SLC12A2: variants seen among roughly 807,000 people sequenced by gnomAD.
The protein encoded by SLC12A2 is Na-K-2Cl cotransporter 1.
SLC12A2 carries 67 observed loss-of-function variants against 136.3 expected under a neutral mutation model. The ratio of observed to expected loss-of-function variants is 0.49; its 90% CI spans 0.40 to 0.60. SLC12A2 has a LOEUF of 0.60. Ranked by LOEUF, SLC12A2 falls within the 20% of genes least tolerant of loss-of-function variation. The probability of loss-of-function intolerance (pLI) is 0.00; values close to 1 mark genes in which losing one functional copy is unlikely to be tolerated. For synonymous variants in SLC12A2, 619 were observed against 562.9 expected (o/e 1.10, Z -1.41); for missense variants, 1,322 against 1,534.7 (o/e 0.86, Z 2.32).
intron 1 of SLC12A2, among the ~76,000 whole-genome samples, chr5:128,095,777 AG>A (rs1211269962): frequency 6.6e-6 from 1 of 152,144 alleles, no homozygotes; most frequent in Admixed American, 6.5e-5. Context: ...GGAAGTCAAA[AG>A]ATTGGATACT....
At chr5:128,163,355 C>T (rs1462516713) in intron 17 of SLC12A2, among the ~76,000 whole-genome samples, 1 of 151,960 alleles carries the variant, frequency 6.6e-6, no homozygotes, top group African/African-American at 2.4e-5. Context: ...ATGGTGAAAC[C>T]CTGTCTCTAC....
chr5:128,099,619 TTGTACAAG>T (rs1760673198), intron 1 of SLC12A2, among the ~76,000 whole-genome samples: 1 of 152,218 alleles, frequency 6.6e-6, no homozygotes, highest in African/African-American at 2.4e-5. Context: ...CACAGACATA[TTGTACAAG>T]TGTACAAGAG....
intron 22 of SLC12A2, 148 bp from the exon 23 acceptor site, chr5:128,180,735 A>G (rs1374851897): frequency 3.4e-6 from 2 of 593,760 alleles, no homozygotes; most frequent in Non-Finnish European, 6.1e-6. Flanking sequence ...AGGTCTGCTA[A>G]TGGCTTTTTG....
intron 16 of SLC12A2, among the ~76,000 whole-genome samples, chr5:128,159,338 G>T (rs941976281): frequency 6.6e-6 from 1 of 152,086 alleles, no homozygotes; most frequent in Non-Finnish European, 1.5e-5. Flanking sequence ...CAGGACAAAG[G>T]CATGGGCACA....
chr5:128,100,630 A>G (rs1035572045), intron 1 of SLC12A2, among the ~76,000 whole-genome samples: 3 of 152,168 alleles, frequency 2.0e-5, no homozygotes, highest in African/African-American at 4.8e-5. Context: ...ATCCAGGTGT[A>G]TACTAAAATG....
intron 20 of SLC12A2, among the ~76,000 whole-genome samples, chr5:128,176,210 T>C (rs1763536707): frequency 6.6e-6 from 1 of 152,054 alleles, no homozygotes; most frequent in African/African-American, 2.4e-5. Context: ...GCATTAATAC[T>C]TGCATTAGTA....
At chr5:128,125,143 TAAAAC>T (rs930910879) in intron 4 of SLC12A2, among the ~76,000 whole-genome samples, 8 of 152,224 alleles carry the variant, frequency 5.3e-5, no homozygotes, top group African/African-American at 7.2e-5. Flanking sequence ...TTTTAACTCT[TAAAAC>T]AATAATAAGA....
chr5:128,148,728 T>C (rs1456546797), intron 11 of SLC12A2, 26 bp from the exon 12 acceptor site: 2 of 1,548,338 alleles, frequency 1.3e-6, no homozygotes, highest in Non-Finnish European at 8.7e-7. Context: ...TTTAATATGT[T>C]TCATTTTAAT....
chr5:128,142,556 G>A (rs183912384), intron 10 of SLC12A2, among the ~76,000 whole-genome samples: 2,016 of 152,140 alleles, frequency 0.013, 37 homozygotes, highest in African/African-American at 0.042. Flanking sequence ...TAGTGTGTGT[G>A]TTTTTATATA....
intron 23 of SLC12A2, 30 bp downstream of exon 23, chr5:128,181,024 A>G: frequency 8.1e-7 from 1 of 1,228,470 alleles, no homozygotes; most frequent in Non-Finnish European, 1.2e-6. Flanking sequence ...AAGGGCATGA[A>G]TCTATTAGCA....
chr5:128,140,645 C>T (rs1045315976), intron 9 of SLC12A2, among the ~76,000 whole-genome samples: 1 of 149,922 alleles, frequency 6.7e-6, no homozygotes, highest in African/African-American at 2.5e-5. Context: ...AGTAGCTAGG[C>T]CAGTAAAGGC....
intron 1 of SLC12A2, among the ~76,000 whole-genome samples, chr5:128,104,233 C>T (rs953127055): frequency 3.3e-5 from 5 of 152,106 alleles, no homozygotes; most frequent in East Asian, 1.9e-4. Flanking sequence ...AATGTAGAAA[C>T]GGAATGATTG....
chr5:128,115,999 A>AT (rs772907050), intron 4 of SLC12A2, among the ~76,000 whole-genome samples: 81 of 152,314 alleles, frequency 5.3e-4, no homozygotes, highest in Non-Finnish European at 8.8e-4. Context: ...ATATTGGGAT[A>AT]TACAGTGTGG....
chr5:128,089,309 G>A (rs900399034), intron 1 of SLC12A2, among the ~76,000 whole-genome samples: 2 of 152,112 alleles, frequency 1.3e-5, no homozygotes, highest in Admixed American at 1.3e-4. Flanking sequence ...GATTGCTTGA[G>A]CCCAGGAGTT....
At chr5:128,146,437 T>C (rs745495059) in intron 10 of SLC12A2, among the ~76,000 whole-genome samples, 3 of 151,692 alleles carry the variant, frequency 2.0e-5, no homozygotes, top group Non-Finnish European at 4.4e-5. Context: ...CTTCATGACA[T>C]TGACATTTTC....
At chr5:128,157,899 A>G in intron 15 of SLC12A2, 154 bp from the exon 16 acceptor site, 1 of 579,488 alleles carries the variant, frequency 1.7e-6, no homozygotes, top group Non-Finnish European at 3.0e-6. Flanking sequence ...TCATGTACCA[A>G]GAAGTCCTGG....
intron 4 of SLC12A2, among the ~76,000 whole-genome samples, chr5:128,126,966 A>ATTTTTTTTTTTTTTTTTTTTTTTTTT (rs1554105175): frequency 4.7e-5 from 1 of 21,156 alleles, no homozygotes; most frequent in Non-Finnish European, 7.7e-5. Context: ...ATATATATAT[A>ATTTTTTTTTTTTTTTTTTTTTTTTTT]TTTTTTTTTT....
Position 128,084,847 on chromosome 5 carries a change from G to C in SLC12A2, c.756+137G>C. On this transcript the variant is annotated intron_variant, in intron 1 of 26. Transcript: ENST00000262461. The surrounding 1 kb of genome is among the most constrained non-coding windows in gnomAD (Gnocchi z 5.6). Reference sequence around the variant, plus strand: ...CTTGCTGGCATCTCTGGATTCAGCTGTCAAGGGTGGAATTGCCGAGGAATG... The same window carrying C: ...CTTGCTGGCATCTCTGGATTCAGCTCTCAAGGGTGGAATTGCCGAGGAATG... 9.7e-7 allele frequency: 1 copy of C among 1,033,770 alleles called. No homozygotes were observed. Among genetic ancestry groups the C allele is most frequent in the Non-Finnish European group, 1.4e-6 (1 of 733,596 alleles). The allele number at this position is 1,033,770 out of a possible 1,614,324, so 64.0% of individuals were successfully genotyped here.
chr5:128,135,209 C>T (rs1204180509), intron 6 of SLC12A2, among the ~76,000 whole-genome samples: 1 of 151,922 alleles, frequency 6.6e-6, no homozygotes, highest in African/African-American at 2.4e-5. Flanking sequence ...CTTGAATTTC[C>T]CTCCTGTATA....
Sources: allele counts gnomAD v4.1 joint callset (sites outside exome capture counted in the v4.1 genomes callset), GRCh38; gene constraint gnomAD v4.1.1; non-coding constraint Gnocchi (gnomAD v3.1); transcripts MANE v1.5; gene names NCBI Gene and HGNC (gene_info 2026-07-23, HGNC 2026-07-21).